ALDH9A1: variants seen among roughly 807,000 people sequenced by gnomAD.
ALDH9A1 encodes aldehyde dehydrogenase 9 family member A1.
In ALDH9A1, 42 loss-of-function variants were observed where a neutral mutation model predicts 56.6. That is an observed-to-expected ratio of 0.74 (90% CI 0.58 to 0.96). The LOEUF is 0.96. Among genes scored for constraint, ALDH9A1 ranks in the 40% least tolerant of loss-of-function variants. ALDH9A1 has a pLI of 0.00. For synonymous variants in ALDH9A1, 242 were observed against 236.0 expected (o/e 1.03, Z -0.23); for missense variants, 661 against 651.5 (o/e 1.01, Z -0.16).
Position 165,698,485 on chromosome 1 carries a change from A to C in ALDH9A1, c.74T>G (p.Met25Arg), listed in dbSNP as rs1383823812. 2 of 1,608,956 alleles carry C rather than the reference A, an allele frequency of 1.2e-6. No individual in the cohort carries two copies. Among genetic ancestry groups the C allele is most frequent in the Admixed American group, 3.4e-5 (2 of 59,546 alleles). Reference sequence around the variant, plus strand: ...CGACACGACGAAGGTGCCAGTGCTCATGGCGGCGACAGGAGAGGGCCGAAG... The same window carrying C: ...CGACACGACGAAGGTGCCAGTGCTCCTGGCGGCGACAGGAGAGGGCCGAAG... Reference protein sequence around the residue: ...RSLRPSPVAAMSTGTFVVSQP... With the variant: ...RSLRPSPVAARSTGTFVVSQP... Residue 25 changes from methionine (M) to arginine (R), a missense_variant, in exon 1 of 11, where the codon ATG becomes AGG. By Grantham distance (91) the Met-to-Arg change is moderately conservative. Coordinates refer to ENST00000354775, the MANE Select transcript of ALDH9A1 (RefSeq NM_000696.4).
intron 9 of ALDH9A1, 39 bp from the exon 10 acceptor site, chr1:165,665,169 T>C: frequency 6.5e-7 from 1 of 1,539,252 alleles, no homozygotes; most frequent in Non-Finnish European, 9.0e-7. Flanking sequence ...ATTGAGAGTT[T>C]CTTAGGCTAC....
intron 1 of ALDH9A1, among the ~76,000 whole-genome samples, chr1:165,698,042 A>AAAAC (rs200531710): frequency 3.3e-5 from 5 of 152,190 alleles, no homozygotes; most frequent in East Asian, 1.9e-4. Context: ...AAACAAACAA[A>AAAAC]AAACAAACAA....
intron 6 of ALDH9A1, among the ~76,000 whole-genome samples, chr1:165,670,138 TATAAA>T (rs1423487702): frequency 6.6e-6 from 1 of 152,104 alleles, no homozygotes; most frequent in Admixed American, 6.6e-5. Context: ...GGAATCAAAA[TATAAA>T]ATAAGAAATC....
chr1:165,686,340 A>C (rs1649706563), intron 2 of ALDH9A1, among the ~76,000 whole-genome samples: 1 of 152,004 alleles, frequency 6.6e-6, no homozygotes, highest in Non-Finnish European at 1.5e-5. Context: ...TTGAGAAGAT[A>C]GGGTGGGAGT....
chr1:165,671,426 C>A (rs1420569204), intron 6 of ALDH9A1: 1 of 447,550 alleles, frequency 2.2e-6, no homozygotes, highest in Admixed American at 2.5e-5. Flanking sequence ...CTTCACAAAT[C>A]GGTGGGATCC....
rs140581841 is a variant in ALDH9A1, at chr1:165,695,314, A to G, written c.265T>C (p.Trp89Arg). 73 of 1,613,220 alleles carry G rather than the reference A, an allele frequency of 4.5e-5. No homozygotes were observed. Among genetic ancestry groups the G allele is most frequent in the Admixed American group, 1.3e-4 (8 of 59,914 alleles). ...CGCTCCATGCCAGATTTTTGACTCCATATTTTAAAAGCAGCCTTTGCATTT... is the reference window on the plus strand; with the variant it reads ...CGCTCCATGCCAGATTTTTGACTCCGTATTTTAAAAGCAGCCTTTGCATTT... ...VQNAKAAFKI[W>R]SQKSGMERCR... Residue 89 changes from tryptophan (W) to arginine (R), a missense_variant, in exon 2 of 11, where the codon TGG (tryptophan) becomes CGG (arginine). Coordinates refer to ENST00000354775, the MANE Select transcript of ALDH9A1 (RefSeq NM_000696.4).
chr1:165,680,467 A>G lies in ALDH9A1; in HGVS notation c.789+20T>C. On this transcript the variant is annotated intron_variant, in intron 5 of 10. Coordinates refer to ENST00000354775, the MANE Select transcript of ALDH9A1 (RefSeq NM_000696.4). ...CATCCAAATGCCATGTGTGTTGACC[A>G]ATACTGGTTTTGTCCTCACCTTCAT... 1 of 1,612,450 alleles carries G rather than the reference A, an allele frequency of 6.2e-7. No individual in the cohort carries two copies. Among genetic ancestry groups the G allele is most frequent in the Non-Finnish European group, 8.5e-7 (1 of 1,179,590 alleles).
chr1:165,698,440 C>T lies in ALDH9A1; in HGVS notation c.119G>A (p.Gly40Asp). ...FVVSQPLNYR[G>D]GARVEPADAS... is the part of the protein sequence containing the mutation. Reference sequence around the variant, plus strand: ...GTCCGCCGGCTCCACGCGGGCCCCGCCGCGGTAATTGAGCGGCTGCGACAC... The same window carrying T: ...GTCCGCCGGCTCCACGCGGGCCCCGTCGCGGTAATTGAGCGGCTGCGACAC... The change falls in exon 1 of 11, where the codon GGC (glycine) becomes GAC (aspartate). Residue 40 changes from glycine (G) to aspartate (D), a missense_variant. Physicochemically the swap from Gly to Asp is moderately conservative, Grantham distance 94. Transcript: ENST00000354775. 6.2e-7 allele frequency: 1 copy of T among 1,606,500 alleles called. No individual in the cohort carries two copies. Among genetic ancestry groups the T allele is most frequent in the Non-Finnish European group, 8.5e-7 (1 of 1,177,090 alleles).
At chr1:165,687,029 C>G (rs1649731029) in intron 2 of ALDH9A1, among the ~76,000 whole-genome samples, 1 of 152,158 alleles carries the variant, frequency 6.6e-6, no homozygotes, top group African/African-American at 2.4e-5. Flanking sequence ...CCAAATTAAT[C>G]TAGAGATGAA....
chr1:165,667,264 A>G (rs1035959593), intron 9 of ALDH9A1, 45 bp downstream of exon 9: 4 of 1,611,196 alleles, frequency 2.5e-6, no homozygotes, highest in Non-Finnish European at 3.4e-6. Context: ...CAGATACTGC[A>G]GCCCCGCTCC....
chr1:165,667,519 T>C, intron 8 of ALDH9A1, 69 bp from the exon 9 acceptor site: 1 of 1,554,044 alleles, frequency 6.4e-7, no homozygotes, highest in Non-Finnish European at 8.7e-7. Flanking sequence ...CCCAGCTAAT[T>C]TTTTGAAGAT....
At position 165,662,827 on chromosome 1, in the gene ALDH9A1, T is replaced by C. The variant is rs1558000010; in HGVS notation, c.*223A>G. 1.9e-6 allele frequency: 1 copy of C among 527,934 alleles called. No individual in the cohort carries two copies. 32.7% of individuals were successfully genotyped at this position (527,934 alleles called of 1,614,324 possible). A position where few individuals can be genotyped will look rare whatever the true frequency, so the allele number is the denominator to read the frequency against. ...TTAAAAGATTTCACAAAAATACGCT[T>C]TGAGGAGAATCACAGCTTTCTTGAT... is the stretch of plus-strand genomic sequence containing the variant. On this transcript the variant is annotated 3_prime_UTR_variant, in exon 11 of 11. Coordinates refer to ENST00000354775, the MANE Select transcript of ALDH9A1 (RefSeq NM_000696.4).
intron 6 of ALDH9A1, among the ~76,000 whole-genome samples, chr1:165,673,219 T>G (rs960079924): frequency 2.6e-5 from 4 of 151,696 alleles, no homozygotes; most frequent in Admixed American, 2.6e-4. Flanking sequence ...TCACTAATCA[T>G]CAGGAAAATG....
chr1:165,692,352 C>A (rs554206924), intron 2 of ALDH9A1, among the ~76,000 whole-genome samples: 95 of 152,312 alleles, frequency 6.2e-4, no homozygotes, highest in Admixed American at 2.0e-3. Context: ...AGGTGATAAG[C>A]TACTTCAGCA....
intron 9 of ALDH9A1, 163 bp from the exon 10 acceptor site, chr1:165,665,293 T>C: frequency 3.2e-6 from 2 of 616,890 alleles, no homozygotes; most frequent in Non-Finnish European, 5.6e-6. Context: ...CAGATATGGA[T>C]TGGGTTTTAT....
At chr1:165,669,106 C>G (rs1649094124) in intron 7 of ALDH9A1, 93 bp from the exon 8 acceptor site, 1 of 1,346,590 alleles carries the variant, frequency 7.4e-7, no homozygotes, top group Non-Finnish European at 1.0e-6. Context: ...AACACATAGT[C>G]TTCCCAGTGC....
At chr1:165,681,209 T>C (rs1329432898) in intron 4 of ALDH9A1, among the ~76,000 whole-genome samples, 1 of 152,218 alleles carries the variant, frequency 6.6e-6, no homozygotes, top group Non-Finnish European at 1.5e-5. Context: ...CCTTTTCATC[T>C]TGGTTTCTCT....
At chr1:165,696,713 C>T (rs1650098099) in intron 1 of ALDH9A1, among the ~76,000 whole-genome samples, 1 of 152,162 alleles carries the variant, frequency 6.6e-6, no homozygotes, top group African/African-American at 2.4e-5. Flanking sequence ...TTAAGTTTGC[C>T]AACTCAGCAA....
chr1:165,679,505 T>C lies in ALDH9A1; in HGVS notation c.867A>G (p.Ser289=), dbSNP rs1269450073. The C allele has an allele frequency of 6.2e-7, 1 of 1,614,184 alleles. No homozygotes were observed. The highest frequency in any genetic ancestry group is 1.3e-5 in the African/African-American group (1 of 75,044). ...TTACAGCATTGTTCATATCACAGTC[T>C]GAGAAGATGATGAGTGGAGATTTGC... ...LGGKSPLIIF[S]DCDMNNAVKG... is the part of the protein sequence containing the mutation. The change falls in exon 6 of 11, where the codon TCA becomes TCG. Residue 289 remains serine, a synonymous_variant. Transcript: ENST00000354775.
Sources: allele counts gnomAD v4.1 joint callset (sites outside exome capture counted in the v4.1 genomes callset), GRCh38; gene constraint gnomAD v4.1.1; transcripts MANE v1.5; gene names NCBI Gene and HGNC (gene_info 2026-07-23, HGNC 2026-07-21).